Variants in AGBL1 observed in about 807,000 individuals in gnomAD.
The protein encoded by AGBL1 is cytosolic carboxypeptidase 4.
AGBL1 carries 130 observed loss-of-function variants against 118.9 expected under a neutral mutation model. The ratio of observed to expected loss-of-function variants is 1.09; its 90% CI spans 0.95 to 1.26. The LOEUF (loss-of-function observed/expected upper bound fraction) is 1.26. AGBL1 is among the 50% of genes most tolerant of loss of function. The pLI, the probability that AGBL1 is intolerant of heterozygous loss-of-function variation, is 0.00. For synonymous variants in AGBL1, 555 were observed against 478.9 expected (o/e 1.16, Z -2.08); for missense variants, 1,584 against 1,298.1 (o/e 1.22, Z -3.38).
intron 18 of AGBL1, among the ~76,000 whole-genome samples, chr15:86,490,360 C>T (rs910788974): frequency 2.6e-5 from 4 of 152,050 alleles, no homozygotes; most frequent in Admixed American, 2.6e-4. Context: ...GGCATTTTAG[C>T]AATTTCCTCT....
intron 7 of AGBL1, among the ~76,000 whole-genome samples, chr15:86,250,197 C>A (rs2078788719): frequency 6.6e-6 from 1 of 151,992 alleles, no homozygotes; most frequent in African/African-American, 2.4e-5. Context: ...AATTCCTCAC[C>A]ACCACCACTC....
intron 19 of AGBL1, among the ~76,000 whole-genome samples, chr15:86,535,980 G>T (rs541429365): frequency 2.0e-5 from 3 of 152,194 alleles, no homozygotes; most frequent in Non-Finnish European, 2.9e-5. Context: ...TGAGGATATG[G>T]TAGGAAAAGA....
intron 1 of AGBL1, among the ~76,000 whole-genome samples, chr15:86,081,496 A>G (rs1289793818): frequency 6.6e-6 from 1 of 152,210 alleles, no homozygotes; most frequent in Non-Finnish European, 1.5e-5. Context: ...GGCCTTCAAT[A>G]TTCAGTTGAC....
At chr15:86,687,472 A>G (rs2086080401) in intron 22 of AGBL1, among the ~76,000 whole-genome samples, 1 of 152,128 alleles carries the variant, frequency 6.6e-6, no homozygotes, top group African/African-American at 2.4e-5. Context: ...TTCCAAATCC[A>G]ACAAATAGAT....
chr15:86,694,837 A>C (rs919277183), intron 22 of AGBL1, among the ~76,000 whole-genome samples: 2 of 152,084 alleles, frequency 1.3e-5, no homozygotes, highest in African/African-American at 4.8e-5. Flanking sequence ...CTTTTTCTGC[A>C]TCTATTGAGA....
chr15:86,536,361 A>G (rs779988551), intron 19 of AGBL1, among the ~76,000 whole-genome samples: 2 of 152,126 alleles, frequency 1.3e-5, no homozygotes. Context: ...ACCAGGCTGG[A>G]GTGCAGCGGT....
intron 22 of AGBL1, among the ~76,000 whole-genome samples, chr15:86,723,976 C>A (rs1439647516): frequency 6.6e-6 from 1 of 152,106 alleles, no homozygotes; most frequent in Non-Finnish European, 1.5e-5. Flanking sequence ...TGGCTCAAGC[C>A]TGTAATCCCA....
chr15:86,219,989 T>C (rs1480708895), intron 5 of AGBL1, among the ~76,000 whole-genome samples: 3 of 144,068 alleles, frequency 2.1e-5, no homozygotes, highest in African/African-American at 7.6e-5. Context: ...TTTCACTCTG[T>C]TGCCCGGGCT....
intron 22 of AGBL1, among the ~76,000 whole-genome samples, chr15:86,841,082 G>C (rs1452456): frequency 6.6e-6 from 1 of 152,234 alleles, no homozygotes; most frequent in African/African-American, 2.4e-5. Flanking sequence ...CCAGCGATGC[G>C]TACACTTGGA....
At chr15:86,690,220 C>T (rs535895435) in intron 22 of AGBL1, among the ~76,000 whole-genome samples, 1 of 152,080 alleles carries the variant, frequency 6.6e-6, no homozygotes, top group African/African-American at 2.4e-5. Context: ...TAAAGTCTTG[C>T]TTATAGCAAG....
chr15:86,844,428 C>T (rs745377566), intron 22 of AGBL1, among the ~76,000 whole-genome samples: 4 of 152,048 alleles, frequency 2.6e-5, no homozygotes, highest in Non-Finnish European at 5.9e-5. Context: ...GTGGTATCAC[C>T]TTGTGGTTTT....
chr15:86,733,667 CT>C (rs2077557027), intron 22 of AGBL1, among the ~76,000 whole-genome samples: 1 of 152,086 alleles, frequency 6.6e-6, no homozygotes, highest in Non-Finnish European at 1.5e-5. Flanking sequence ...AGTCATGGTA[CT>C]AATCATTCTA....
At chr15:86,795,007 T>A (rs1480780034) in intron 22 of AGBL1, among the ~76,000 whole-genome samples, 4 of 151,362 alleles carry the variant, frequency 2.6e-5, no homozygotes, top group African/African-American at 4.9e-5. Flanking sequence ...AGGGGGAAAA[T>A]AAGAGACCCA....
chr15:86,522,251 G>A (rs1195494131), intron 18 of AGBL1, among the ~76,000 whole-genome samples: 1 of 152,162 alleles, frequency 6.6e-6, no homozygotes, highest in Non-Finnish European at 1.5e-5. Context: ...GTCAAGCAGT[G>A]CAATAGAAGA....
At chr15:86,610,609 C>G (rs1188953517) in intron 21 of AGBL1, among the ~76,000 whole-genome samples, 2 of 152,034 alleles carry the variant, frequency 1.3e-5, no homozygotes, top group Non-Finnish European at 1.5e-5. Context: ...GGGAAACAAC[C>G]AAATCCAAAT....
At chr15:86,521,522 A>G (rs1003599056) in intron 18 of AGBL1, among the ~76,000 whole-genome samples, 32 of 152,152 alleles carry the variant, frequency 2.1e-4, no homozygotes, top group African/African-American at 6.0e-4. Flanking sequence ...ACTCTGATCA[A>G]GGGGGCCTCA....
At chr15:86,582,829 G>A (rs1240875019) in intron 21 of AGBL1, among the ~76,000 whole-genome samples, 1 of 149,426 alleles carries the variant, frequency 6.7e-6, no homozygotes, top group Non-Finnish European at 1.5e-5. Flanking sequence ...CATGGACACA[G>A]GAAGGGGAAC....
chr15:86,086,177 A>C (rs995253462), intron 1 of AGBL1: 2 of 152,210 alleles, frequency 1.3e-5, no homozygotes, highest in Non-Finnish European at 2.9e-5. Context: ...AACTGATCTT[A>C]TGAGAACCAA....
At chr15:86,929,730 C>A (rs760209915) in intron 23 of AGBL1, among the ~76,000 whole-genome samples, 1 of 152,180 alleles carries the variant, frequency 6.6e-6, no homozygotes, top group African/African-American at 2.4e-5. Context: ...AGAGAGCCAG[C>A]GTGTTTCAGC....
Sources: allele counts gnomAD v4.1 joint callset (sites outside exome capture counted in the v4.1 genomes callset), GRCh38; gene constraint gnomAD v4.1.1; transcripts MANE v1.5; gene names NCBI Gene and HGNC (gene_info 2026-07-23, HGNC 2026-07-21).